EFNA5: variants seen among roughly 807,000 people sequenced by gnomAD.
EFNA5 encodes ephrin A5.
In EFNA5, 5 loss-of-function variants were observed where a neutral mutation model predicts 22.9. The ratio of observed to expected loss-of-function variants is 0.22; its 90% CI spans 0.11 to 0.46. EFNA5 has a LOEUF of 0.46. Among genes scored for constraint, EFNA5 ranks in the 20% least tolerant of loss-of-function variants. The pLI, the probability that EFNA5 is intolerant of heterozygous loss-of-function variation, is 0.99. For synonymous variants in EFNA5, 113 were observed against 112.2 expected (o/e 1.01, Z -0.04); for missense variants, 237 against 293.3 (o/e 0.81, Z 1.40).
At chr5:107,660,515 G>A (rs1750931552) in intron 1 of EFNA5, among the ~76,000 whole-genome samples, 1 of 151,194 alleles carries the variant, frequency 6.6e-6, no homozygotes, top group South Asian at 2.1e-4. Flanking sequence ...TAAAGGAATT[G>A]CTTATTAATC....
chr5:107,652,902 AAT>A (rs1750760050), intron 1 of EFNA5, among the ~76,000 whole-genome samples: 1 of 151,906 alleles, frequency 6.6e-6, no homozygotes, highest in South Asian at 2.1e-4. Flanking sequence ...TCTAAAAAAA[AAT>A]AGTTTAAATT....
intron 2 of EFNA5, among the ~76,000 whole-genome samples, chr5:107,417,313 T>C: frequency 6.6e-6 from 1 of 152,202 alleles, no homozygotes; most frequent in East Asian, 1.9e-4. Flanking sequence ...GATATTTTAC[T>C]TTTGAGGCTC....
intron 1 of EFNA5, among the ~76,000 whole-genome samples, chr5:107,449,519 C>A (rs1025403182): frequency 1.2e-4 from 18 of 152,030 alleles, no homozygotes; most frequent in Middle Eastern, 3.4e-3. Flanking sequence ...CCCCGCCCCC[C>A]CAACTACACC....
chr5:107,381,104 T>G lies in EFNA5; in HGVS notation c.*151A>C. 8.5e-7 allele frequency: 1 copy of G among 1,175,198 alleles called. No individual in the cohort carries two copies. Among genetic ancestry groups the G allele is most frequent in the East Asian group, 2.5e-5 (1 of 40,542 alleles). 72.8% of individuals were successfully genotyped at this position (1,175,198 alleles called of 1,614,324 possible). On this transcript the variant is annotated 3_prime_UTR_variant, in exon 5 of 5. Coordinates refer to ENST00000333274, the MANE Select transcript of EFNA5 (RefSeq NM_001962.3). ...GTTTAGGCCCCCAACCTGAAGTTGTTGCTTAGAATTCAGGCTGAAAGAAAG... is the reference window on the plus strand; with the variant it reads ...GTTTAGGCCCCCAACCTGAAGTTGTGGCTTAGAATTCAGGCTGAAAGAAAG...
At chr5:107,579,286 G>A (rs149338062) in intron 1 of EFNA5, among the ~76,000 whole-genome samples, 1 of 152,294 alleles carries the variant, frequency 6.6e-6, no homozygotes, top group Non-Finnish European at 1.5e-5. Flanking sequence ...GTGTGACATG[G>A]AGCCAGGTTC....
chr5:107,413,202 T>G (rs1380072520), intron 2 of EFNA5, among the ~76,000 whole-genome samples: 1 of 152,088 alleles, frequency 6.6e-6, no homozygotes, highest in Non-Finnish European at 1.5e-5. Flanking sequence ...CTTTCAAAAC[T>G]TAATAATACT....
intron 1 of EFNA5, among the ~76,000 whole-genome samples, chr5:107,591,250 G>A (rs1749318547): frequency 6.6e-6 from 1 of 152,124 alleles, no homozygotes; most frequent in Non-Finnish European, 1.5e-5. Flanking sequence ...AAGTCAATGT[G>A]GAGATGGCCT....
At chr5:107,568,801 T>A (rs1468811820) in intron 1 of EFNA5, among the ~76,000 whole-genome samples, 3 of 152,160 alleles carry the variant, frequency 2.0e-5, no homozygotes, top group African/African-American at 7.2e-5. Context: ...ATACAGAATA[T>A]CTTATATATA....
intron 2 of EFNA5, among the ~76,000 whole-genome samples, chr5:107,390,685 C>T (rs1392674977): frequency 6.6e-6 from 1 of 150,758 alleles, no homozygotes; most frequent in African/African-American, 2.4e-5. Flanking sequence ...GTATTTTATA[C>T]ATAAATTATA....
intron 2 of EFNA5, among the ~76,000 whole-genome samples, chr5:107,417,966 T>C (rs1748547511): frequency 6.6e-6 from 1 of 152,194 alleles, no homozygotes; most frequent in Non-Finnish European, 1.5e-5. Flanking sequence ...ATGCTGTTCT[T>C]CCAGCATGCA....
At chr5:107,475,946 T>C (rs759955813) in intron 1 of EFNA5, among the ~76,000 whole-genome samples, 8 of 148,100 alleles carry the variant, frequency 5.4e-5, no homozygotes, top group African/African-American at 7.6e-5. Flanking sequence ...TCAAACTGTG[T>C]TCATGTTTTT....
At chr5:107,619,434 G>GCTCCT (rs1467468087) in intron 1 of EFNA5, among the ~76,000 whole-genome samples, 1 of 151,408 alleles carries the variant, frequency 6.6e-6, no homozygotes, top group East Asian at 1.9e-4. Flanking sequence ...TCTAAATCAT[G>GCTCCT]CTCCTTTCTG....
intron 2 of EFNA5, among the ~76,000 whole-genome samples, chr5:107,390,449 C>G (rs1011538287): frequency 6.6e-6 from 1 of 152,038 alleles, no homozygotes; most frequent in South Asian, 2.1e-4. Context: ...AAAAACAAAA[C>G]ATAACAGAGG....
intron 1 of EFNA5, among the ~76,000 whole-genome samples, chr5:107,573,876 A>C (rs1389872728): frequency 1.3e-5 from 2 of 152,188 alleles, no homozygotes; most frequent in Non-Finnish European, 2.9e-5. Flanking sequence ...AGACATTTGC[A>C]ATCTGTTTGG....
chr5:107,455,201 A>G (rs557781013), intron 1 of EFNA5, among the ~76,000 whole-genome samples: 5 of 152,316 alleles, frequency 3.3e-5, no homozygotes, highest in African/African-American at 1.2e-4. Context: ...AATGATTTAT[A>G]TACACAGACC....
At chr5:107,660,957 G>C (rs1246232658) in intron 1 of EFNA5, among the ~76,000 whole-genome samples, 1 of 152,054 alleles carries the variant, frequency 6.6e-6, no homozygotes, top group Non-Finnish European at 1.5e-5. Flanking sequence ...AAAGTTTATT[G>C]AAGCAGTAAC....
chr5:107,486,271 A>C (rs1490667067), intron 1 of EFNA5, among the ~76,000 whole-genome samples: 2 of 152,220 alleles, frequency 1.3e-5, no homozygotes, highest in African/African-American at 4.8e-5. Flanking sequence ...ATTCAACCCT[A>C]TGTATATTCA....
At chr5:107,644,902 G>A (rs1381014706) in intron 1 of EFNA5, among the ~76,000 whole-genome samples, 2 of 152,062 alleles carry the variant, frequency 1.3e-5, no homozygotes, top group East Asian at 3.9e-4. Flanking sequence ...GGTTTCTCCA[G>A]GTTGGTCAGG....
chr5:107,399,994 C>T lies in EFNA5; in HGVS notation c.419-12223G>A, dbSNP rs115301834. ...TAGCAGTGATGAAACCTATAATTTA[C>T]GTGTACAGTTTTGGAACATTTAAGA... On this transcript the variant is annotated intron_variant, in intron 2 of 4. Coordinates refer to ENST00000333274, the MANE Select transcript of EFNA5 (RefSeq NM_001962.3). Among the ~76,000 whole-genome samples, 1,124 of 152,078 alleles carry T rather than the reference C, an allele frequency of 7.4e-3. 15 individuals are homozygous for T. Among genetic ancestry groups the T allele is most frequent in the African/African-American group, 0.026 (1,074 of 41,448 alleles).
Sources: allele counts gnomAD v4.1 joint callset (sites outside exome capture counted in the v4.1 genomes callset), GRCh38; gene constraint gnomAD v4.1.1; transcripts MANE v1.5; gene names NCBI Gene and HGNC (gene_info 2026-07-23, HGNC 2026-07-21).